The following FAM178B variants were observed in gnomAD, a reference collection of about 807,000 sequenced individuals.
The protein encoded by FAM178B is family with sequence similarity 178 member B, also known as protein FAM178B.
Under a neutral mutation model 91.7 loss-of-function variants are expected in FAM178B, and 82 were observed. That is an observed-to-expected ratio of 0.89 (90% CI 0.75 to 1.07). FAM178B has a LOEUF of 1.07. FAM178B is among the 50% of genes least tolerant of loss of function. The probability of loss-of-function intolerance (pLI) is 0.00; values close to 1 mark genes in which losing one functional copy is unlikely to be tolerated. For missense variants in FAM178B, 769 were observed against 846.7 expected (o/e 0.91, Z 1.14); for synonymous variants, 368 against 359.4 (o/e 1.02, Z -0.27).
chr2:96,986,022 C>G (rs2082418272), intron 1 of FAM178B, among the ~76,000 whole-genome samples: 1 of 152,224 alleles, frequency 6.6e-6, no homozygotes, highest in Non-Finnish European at 1.5e-5. Context: ...TCCACCCCAC[C>G]AAGGCCGGCC....
chr2:96,907,436 C>T, intron 12 of FAM178B, among the ~76,000 whole-genome samples: 1 of 152,134 alleles, frequency 6.6e-6, no homozygotes, highest in Non-Finnish European at 1.5e-5. Flanking sequence ...GGCAAGGCCT[C>T]CCCGGAACTC....
At chr2:96,951,122 G>C (rs970958236) in intron 7 of FAM178B, among the ~76,000 whole-genome samples, 1 of 152,170 alleles carries the variant, frequency 6.6e-6, no homozygotes, top group African/African-American at 2.4e-5. Flanking sequence ...ACACACCTTC[G>C]GGGGAAGCAG....
rs55924441 is a variant in FAM178B at position 96,958,697 on chromosome 2, TAAAAAAAAAAAAAAAAAAAAAA to T, written c.887+1569_887+1590del. On this transcript the variant is annotated intron_variant, in intron 6 of 16. Coordinates refer to ENST00000490605, the MANE Select transcript of FAM178B (RefSeq NM_001122646.3). Reference sequence around the variant, plus strand: ...AGAGTGAGACTCCATCTCAAAATACTAAAAAAAAAAAAAAAAAAAAAAAAAAAAAAAAAAAAAAAAAAATTGA... The same window carrying T: ...AGAGTGAGACTCCATCTCAAAATACTAAAAAAAAAAAAAAAAAAAAATTGA... Among the ~76,000 whole-genome samples, 29 of 55,534 alleles carry T rather than the reference TAAAAAAAAAAAAAAAAAAAAAA, an allele frequency of 5.2e-4. 1 individual carries two copies. Among genetic ancestry groups the T allele is most frequent in the Admixed American group, 2.4e-3 (6 of 2,508 alleles). 36.4% of individuals were successfully genotyped at this position (55,534 alleles called of 152,430 possible). A position where few individuals can be genotyped will look rare whatever the true frequency, so the allele number is the denominator to read the frequency against.
intron 7 of FAM178B, 61 bp from the exon 8 acceptor site, chr2:96,947,963 A>G (rs1290994594): frequency 1.4e-5 from 12 of 844,160 alleles, no homozygotes. Flanking sequence ...CTAAGAAGCA[A>G]TAGTAGCAAA....
chr2:96,951,576 C>T, intron 6 of FAM178B, 92 bp from the exon 7 acceptor site: 1 of 913,250 alleles, frequency 1.1e-6, no homozygotes, highest in Non-Finnish European at 1.8e-6. Context: ...CCCAGCTTCA[C>T]TGGCTGTTGG....
chr2:96,914,004 C>T (rs2081201333), intron 12 of FAM178B, among the ~76,000 whole-genome samples: 1 of 152,230 alleles, frequency 6.6e-6, no homozygotes, highest in Non-Finnish European at 1.5e-5. Context: ...AGGAAGAGAT[C>T]AGAAGAGAGC....
At position 96,959,131 on chromosome 2, in the gene FAM178B, G is replaced by A. The variant is rs536110871; in HGVS notation, c.887+1157C>T. ...TGAGAATCGCTTGAACCCAGGAGGC[G>A]GAGGTTGCAGTGAGCCGAGATCACG... On this transcript the variant is annotated intron_variant, in intron 6 of 16. Transcript: ENST00000490605. Among the ~76,000 whole-genome samples, 631 of 150,720 alleles carry A rather than the reference G, an allele frequency of 4.2e-3. 4 individuals are homozygous for A. Among genetic ancestry groups the A allele is most frequent in the Admixed American group, 9.7e-3 (146 of 15,084 alleles).
chr2:96,953,967 G>A (rs530846048), intron 6 of FAM178B, among the ~76,000 whole-genome samples: 5 of 152,228 alleles, frequency 3.3e-5, no homozygotes, highest in Non-Finnish European at 7.3e-5. Flanking sequence ...GGGGTGGGAG[G>A]TGTGTGCAGT....
At chr2:96,878,557 C>A in intron 14 of FAM178B, 64 bp from the exon 15 acceptor site, 1 of 1,444,022 alleles carries the variant, frequency 6.9e-7, no homozygotes, top group Non-Finnish European at 9.7e-7. Context: ...GGCGTGCCCT[C>A]CACCTGCACA....
At chr2:96,967,921 T>TTTTTTTTTTTTTTG (rs2082166899) in intron 4 of FAM178B, among the ~76,000 whole-genome samples, 1 of 134,840 alleles carries the variant, frequency 7.4e-6, no homozygotes, top group Non-Finnish European at 1.6e-5. Flanking sequence ...CTTTTTTTTT[T>TTTTTTTTTTTTTTG]TTTTTTTTTT....
chr2:96,986,428 C>T lies in FAM178B; in HGVS notation c.-115G>A, dbSNP rs1293859403. On this transcript the variant is annotated 5_prime_UTR_variant, in exon 1 of 17. Transcript: ENST00000490605. ...GCAGGAGCAGGCTCCCCAGGCGGCG[C>T]AGTGGGAGGACCCCAAGAGTTGCGT... is the stretch of plus-strand genomic sequence containing the variant. 3.9e-6 allele frequency: 5 copies of T among 1,284,596 alleles called. No individual in the cohort carries two copies. The South Asian group carries it at 6.0e-5, about 15-fold the overall frequency. 79.6% of individuals were successfully genotyped at this position (1,284,596 alleles called of 1,614,324 possible). A position where few individuals can be genotyped will look rare whatever the true frequency, so the allele number is the denominator to read the frequency against.
chr2:96,941,903 T>G (rs1020327586), intron 8 of FAM178B, among the ~76,000 whole-genome samples: 6 of 152,206 alleles, frequency 3.9e-5, no homozygotes, highest in Admixed American at 2.6e-4. Context: ...GCTAAAACAT[T>G]TTTGTTAAAG....
chr2:96,920,423 AACC>A (rs1466596493), intron 12 of FAM178B, among the ~76,000 whole-genome samples: 2 of 152,122 alleles, frequency 1.3e-5, no homozygotes, highest in Non-Finnish European at 2.9e-5. Flanking sequence ...AACACGGTGA[AACC>A]CTGTCTCCAC....
At chr2:96,881,357 G>A (rs933757675) in intron 14 of FAM178B, among the ~76,000 whole-genome samples, 1 of 151,608 alleles carries the variant, frequency 6.6e-6, no homozygotes, top group African/African-American at 2.4e-5. Context: ...GGATGCCGAA[G>A]AAAACATCCA....
At position 96,951,453 on chromosome 2, in the gene FAM178B, G is replaced by T; in HGVS notation, c.919C>A (p.Arg307Ser). 6.4e-7 allele frequency: 1 copy of T among 1,551,672 alleles called. No individual in the cohort carries two copies. The highest frequency in any genetic ancestry group is 8.7e-7 in the Non-Finnish European group (1 of 1,146,930). ...TAGAGGATGTTCAGGAGGCCACTGC[G>T]CAGGAAGGAGAGCTGTTGGGCTGGC... ...SPPAQQLSFLRSGLLNILYLH... is the reference protein window; with the variant it reads ...SPPAQQLSFLSSGLLNILYLH... The change falls in exon 7 of 17, where the codon CGC becomes AGC. Residue 307 changes from arginine (R) to serine (S), a missense_variant. Transcript: ENST00000490605.
intron 12 of FAM178B, among the ~76,000 whole-genome samples, chr2:96,920,345 T>C (rs2081313807): frequency 6.6e-6 from 1 of 152,184 alleles, no homozygotes; most frequent in Non-Finnish European, 1.5e-5. Context: ...CTCATGCCTG[T>C]AATCTCAGCA....
intron 3 of FAM178B, among the ~76,000 whole-genome samples, chr2:96,971,122 A>G (rs1243851562): frequency 1.3e-5 from 2 of 151,842 alleles, no homozygotes; most frequent in African/African-American, 4.8e-5. Flanking sequence ...TCTATCCTGC[A>G]CCACACACTT....
Position 96,876,214 on chromosome 2 carries a change from T to A in FAM178B, c.*62A>T. Reference sequence around the variant, plus strand: ...GCCTTGATGCTTCGCTTCCTCCAGTTCCCTGAGCCTGTTCACTTCCTGCTG... The same window carrying A: ...GCCTTGATGCTTCGCTTCCTCCAGTACCCTGAGCCTGTTCACTTCCTGCTG... On this transcript the variant is annotated 3_prime_UTR_variant, in exon 17 of 17. Transcript: ENST00000490605. The A allele has an allele frequency of 6.5e-7, 1 of 1,548,616 alleles. No individual in the cohort carries two copies. The highest frequency in any genetic ancestry group is 8.8e-7 in the Non-Finnish European group (1 of 1,132,992).
chr2:96,923,446 T>C, intron 10 of FAM178B, 44 bp downstream of exon 10: 1 of 1,449,432 alleles, frequency 6.9e-7, no homozygotes, highest in East Asian at 2.5e-5. Flanking sequence ...GGGTCTGAAC[T>C]GTAAGCCGAG....
Sources: gnomAD v4.1 joint callset for allele counts (sites outside exome capture counted in the v4.1 genomes callset) on GRCh38, gnomAD v4.1.1 for gene constraint, MANE v1.5 for transcripts, NCBI Gene and HGNC (gene_info 2026-07-23, HGNC 2026-07-21) for gene names.